Variants in CHD9 observed in about 807,000 individuals in gnomAD.
CHD9 encodes chromodomain helicase DNA binding protein 9.
CHD9 carries 77 observed loss-of-function variants against 316.1 expected under a neutral mutation model. The observed-to-expected ratio is 0.24, with a 90% confidence interval of 0.20 to 0.29. CHD9 has a LOEUF of 0.29. CHD9 is among the 10% of genes least tolerant of loss of function. CHD9 has a pLI of 1.00. For missense variants in CHD9, 2,763 were observed against 3,438.1 expected, an observed-to-expected ratio of 0.80 and a Z score of 4.91; for synonymous variants, 1,129 against 1,158.3, an observed-to-expected ratio of 0.97 and a Z score of 0.51.
chr16:53,090,880 G>A (rs2035875061), intron 1 of CHD9, among the ~76,000 whole-genome samples: 1 of 152,128 alleles, frequency 6.6e-6, no homozygotes, highest in Non-Finnish European at 1.5e-5. Flanking sequence ...TTCAAAGCCA[G>A]GGTGGCTTTG....
At chr16:53,213,821 A>T (rs1485797282) in intron 3 of CHD9, among the ~76,000 whole-genome samples, 1 of 152,172 alleles carries the variant, frequency 6.6e-6, no homozygotes, top group Non-Finnish European at 1.5e-5. Flanking sequence ...CATAAGTAGA[A>T]TGCTTTTGGT....
chr16:53,257,109 G>A (rs1459722765), intron 19 of CHD9, among the ~76,000 whole-genome samples: 3 of 152,126 alleles, frequency 2.0e-5, no homozygotes, highest in Non-Finnish European at 2.9e-5. Context: ...GAGTCTTGAG[G>A]GAATTGCGAA....
chr16:53,155,760 A>C lies in CHD9; in HGVS notation c.-164-166A>C, dbSNP rs7203398. Among the ~76,000 whole-genome samples, 39,695 of 151,876 alleles carry C rather than the reference A, an allele frequency of 0.26. 5,273 individuals are homozygous for C. The highest frequency in any genetic ancestry group is 0.28 in the Middle Eastern group (82 of 292). ...TGACCCACTAATCTATTTTCTCTCTATATATACTTGCCTACTTTTGACATT... is the reference window on the plus strand; with the variant it reads ...TGACCCACTAATCTATTTTCTCTCTCTATATACTTGCCTACTTTTGACATT... On this transcript the variant is annotated intron_variant, in intron 1 of 38. Coordinates refer to ENST00000447540, the MANE Select transcript of CHD9 (RefSeq NM_001308319.2).
At position 53,227,429 on chromosome 16, in the gene CHD9, G is replaced by C; in HGVS notation, c.2077G>C (p.Asp693His). The C allele has an allele frequency of 6.4e-7, 1 of 1,570,954 alleles. No individual in the cohort carries two copies. ...NPSEEDAAIV[D>H]KILSSRTVKK... ...GAGTGAAGAAGATGCTGCAATTGTA[G>C]ACAAAATTCTATCTTCTAGAACCGT... The change falls in exon 6 of 39, where the codon GAC becomes CAC. Residue 693 changes from aspartate to histidine, a missense_variant. This residue lies in a region of CHD9 where 859 missense variants were observed against 890.4 expected (regional missense o/e 0.96). Transcript: ENST00000447540.
intron 1 of CHD9, among the ~76,000 whole-genome samples, chr16:53,063,398 AC>A: frequency 6.7e-6 from 1 of 149,976 alleles, no homozygotes; most frequent in South Asian, 2.1e-4. Context: ...ACACACACAC[AC>A]ACAAAATGTG....
chr16:53,310,411 C>T (rs1225367868), intron 34 of CHD9, among the ~76,000 whole-genome samples: 2 of 152,020 alleles, frequency 1.3e-5, no homozygotes, highest in African/African-American at 4.8e-5. Flanking sequence ...TTAATAATAC[C>T]ACTACTCTTA....
chr16:53,256,426 C>T (rs952643041), intron 19 of CHD9, among the ~76,000 whole-genome samples: 2 of 133,804 alleles, frequency 1.5e-5, no homozygotes, highest in Non-Finnish European at 3.1e-5. Context: ...CACTCCGTCA[C>T]ACAGGCTGGA....
At chr16:53,064,109 C>T (rs892570582) in intron 1 of CHD9, among the ~76,000 whole-genome samples, 4 of 152,092 alleles carry the variant, frequency 2.6e-5, no homozygotes, top group Non-Finnish European at 4.4e-5. Context: ...TCTGGAATTA[C>T]AGGCATGAGC....
chr16:53,267,515 C>G (rs954460812), intron 21 of CHD9, 25 bp downstream of exon 21: 1 of 1,501,398 alleles, frequency 6.7e-7, no homozygotes, highest in African/African-American at 1.4e-5. Context: ...TTAATGTTTG[C>G]TCTAAGTAGT....
chr16:53,146,415 G>GTGTGTATATATA (rs1224485632), intron 1 of CHD9, among the ~76,000 whole-genome samples: 2 of 64,450 alleles, frequency 3.1e-5, no homozygotes, highest in Admixed American at 4.2e-4. Context: ...GTGTGTGTGT[G>GTGTGTATATATA]TATGTATATA....
At chr16:53,308,640 A>AT (rs752123154) in intron 33 of CHD9, 46 bp from the exon 34 acceptor site, 82 of 1,465,502 alleles carry the variant, frequency 5.6e-5, no homozygotes, top group Non-Finnish European at 6.8e-5. Flanking sequence ...CTGCAATAAG[A>AT]TTTTTTTTAA....
intron 2 of CHD9, among the ~76,000 whole-genome samples, chr16:53,184,121 T>A (rs1447311422): frequency 6.6e-6 from 1 of 151,880 alleles, no homozygotes; most frequent in Non-Finnish European, 1.5e-5. Flanking sequence ...ATTTTTTGTG[T>A]TTTTAGTAGA....
At chr16:53,198,537 A>G (rs1041127222) in intron 2 of CHD9, among the ~76,000 whole-genome samples, 3 of 151,578 alleles carry the variant, frequency 2.0e-5, no homozygotes, top group Admixed American at 2.0e-4. Context: ...TGTATTAGCC[A>G]GGATGGTCTC....
chr16:53,107,687 A>T (rs1049752629), intron 1 of CHD9, among the ~76,000 whole-genome samples: 1 of 151,618 alleles, frequency 6.6e-6, no homozygotes, highest in African/African-American at 2.4e-5. Flanking sequence ...ATCTAAAAAA[A>T]TTTTAATAAA....
At chr16:53,121,358 G>A (rs1237556562) in intron 1 of CHD9, 6 of 456,028 alleles carry the variant, frequency 1.3e-5, no homozygotes, top group Non-Finnish European at 2.2e-5. Context: ...ACAAAGAGAA[G>A]GAATGAGATG....
intron 2 of CHD9, among the ~76,000 whole-genome samples, chr16:53,201,069 G>C (rs574651880): frequency 6.6e-6 from 1 of 152,198 alleles, no homozygotes; most frequent in South Asian, 2.1e-4. Flanking sequence ...GATGGAACTG[G>C]AACCAGAACC....
chr16:53,284,205 A>G (rs2053658863), intron 24 of CHD9, among the ~76,000 whole-genome samples: 1 of 152,068 alleles, frequency 6.6e-6, no homozygotes, highest in Non-Finnish European at 1.5e-5. Context: ...ACTTTGTATA[A>G]TTTATATTGT....
intron 2 of CHD9, among the ~76,000 whole-genome samples, chr16:53,207,037 A>G (rs1005992172): frequency 2.0e-5 from 3 of 152,182 alleles, no homozygotes; most frequent in Admixed American, 2.0e-4. Context: ...GGGTCTTTCT[A>G]GAGCCCTGTT....
chr16:53,106,459 G>T (rs1407510434), intron 1 of CHD9, among the ~76,000 whole-genome samples: 1 of 152,136 alleles, frequency 6.6e-6, no homozygotes, highest in African/African-American at 2.4e-5. Flanking sequence ...ATTTCCCGAA[G>T]GACAGCTGGA....
Sources: allele counts gnomAD v4.1 joint callset (sites outside exome capture counted in the v4.1 genomes callset), GRCh38; gene constraint gnomAD v4.1.1; regional missense constraint gnomAD v4.1.1; transcripts MANE v1.5; gene names NCBI Gene and HGNC (gene_info 2026-07-23, HGNC 2026-07-21).